Variants in LENG1 observed in about 807,000 individuals in gnomAD.
LENG1 encodes leukocyte receptor cluster (LRC) member 1.
A neutral mutation model predicts 28.8 loss-of-function variants in LENG1; 35 were observed. That is an observed-to-expected ratio of 1.22 (90% CI 0.93 to 1.61). The LOEUF is 1.61. LENG1 is among the 40% of genes most tolerant of loss of function. The pLI, the probability that LENG1 is intolerant of heterozygous loss-of-function variation, is 0.00. For missense variants in LENG1, 404 were observed against 348.9 expected, an observed-to-expected ratio of 1.16 and a Z score of -1.26; for synonymous variants, 170 against 140.6, an observed-to-expected ratio of 1.21 and a Z score of -1.48.
At chr19:54,158,624 A>G (rs1451909799) in intron 1 of LENG1, among the ~76,000 whole-genome samples, 163 bp from the exon 2 acceptor site, 1 of 152,224 alleles carries the variant, frequency 6.6e-6, no homozygotes, top group Non-Finnish European at 1.5e-5. Context: ...GGGTGAGGGT[A>G]GGCAGATGAG....
chr19:54,158,083 G>A (rs2075427672), intron 2 of LENG1, among the ~76,000 whole-genome samples, 199 bp downstream of exon 2: 1 of 152,198 alleles, frequency 6.6e-6, no homozygotes, highest in Non-Finnish European at 1.5e-5. Context: ...CAGCAGCTGG[G>A]GACCTCTAGC....
At chr19:54,155,985 G>A (rs772611757) in intron 3 of LENG1, 45 bp from the exon 4 acceptor site, 17 of 1,530,788 alleles carry the variant, frequency 1.1e-5, no homozygotes, top group East Asian at 7.1e-5. Flanking sequence ...GCCCCTAGGA[G>A]GCCATTCCCC....
rs1419740819 is a variant in LENG1, at chr19:54,155,706, G to A, written c.*15C>T. 2 of 1,598,320 alleles carry A rather than the reference G, an allele frequency of 1.3e-6. No homozygotes were observed. Among genetic ancestry groups the A allele is most frequent in the South Asian group, 1.1e-5 (1 of 89,888 alleles). ...ACGGCTGGCAGCAGCGGCCTCTCCT[G>A]TACCCCCTCAGGAGTCAGTGAGTAA... is the stretch of plus-strand genomic sequence containing the variant. On this transcript the variant is annotated 3_prime_UTR_variant, in exon 4 of 4. Transcript: ENST00000222224.
At chr19:54,156,659 G>C (rs1321268571) in intron 3 of LENG1, 104 bp downstream of exon 3, 2 of 1,231,986 alleles carry the variant, frequency 1.6e-6, no homozygotes, top group Admixed American at 4.8e-5. Context: ...AGCCCTTCAC[G>C]GAGTCCCTGG....
chr19:54,156,280 C>A (rs1423243166), intron 3 of LENG1, among the ~76,000 whole-genome samples: 1 of 152,200 alleles, frequency 6.6e-6, no homozygotes, highest in Non-Finnish European at 1.5e-5. Context: ...GTGCAGCATC[C>A]TGGAGACAGA....
intron 3 of LENG1, 79 bp downstream of exon 3, chr19:54,156,684 G>A: frequency 1.4e-6 from 2 of 1,440,630 alleles, no homozygotes; most frequent in Non-Finnish European, 1.9e-6. Flanking sequence ...CCTGACCAGA[G>A]ACGCTGCAGT....
Position 54,155,763 on chromosome 19 carries a change from C to T in LENG1, c.753G>A (p.Leu251=). ...GGTCCTGCTGGCGGGGGCGCCGGGC[C>T]AGCTGGGGGTTGAATTGGGAGTTGT... The part of the protein sequence containing the change: ...RRYNSQFNPQ[L]ARRPRQQDPH... Residue 251 remains leucine (L), a synonymous_variant, in exon 4 of 4, where the codon CTG becomes CTA. Transcript: ENST00000222224. The T allele has an allele frequency of 1.2e-6, 2 of 1,610,420 alleles. No homozygotes were observed. The highest frequency in any genetic ancestry group is 1.7e-6 in the Non-Finnish European group (2 of 1,179,392).
intron 1 of LENG1, among the ~76,000 whole-genome samples, 162 bp from the exon 2 acceptor site, chr19:54,158,623 T>C (rs1394139400): frequency 1.3e-5 from 2 of 152,098 alleles, no homozygotes; most frequent in African/African-American, 4.8e-5. Flanking sequence ...GGGGTGAGGG[T>C]AGGCAGATGA....
At position 54,158,435 on chromosome 19, in the gene LENG1, T is replaced by C; in HGVS notation, c.159A>G (p.Lys53=). ...QEARTEFLRK[K]ARHQNSLPEL... is the part of the protein sequence containing the mutation. The stretch of plus-strand genomic sequence containing the variant: ...CAGGCAGTGAGTTCTGATGTCTGGC[T>C]TTCTTCCGTAGGAATTCTGTACGGG... Residue 53 remains lysine (K), a synonymous_variant, in exon 2 of 4, where the codon AAA becomes AAG. Transcript: ENST00000222224. The C allele has an allele frequency of 6.2e-7, 1 of 1,614,180 alleles. No homozygotes were observed. Among genetic ancestry groups the C allele is most frequent in the Non-Finnish European group, 8.5e-7 (1 of 1,180,008 alleles).
At chr19:54,157,284 A>T (rs1246563934) in intron 2 of LENG1, among the ~76,000 whole-genome samples, 3 of 152,190 alleles carry the variant, frequency 2.0e-5, no homozygotes, top group African/African-American at 7.2e-5. Flanking sequence ...AGAGACTTGA[A>T]GAGAAGCCTG....
At chr19:54,159,535 A>C in intron 1 of LENG1, 29 bp downstream of exon 1, 2 of 1,512,598 alleles carry the variant, frequency 1.3e-6, no homozygotes, top group Non-Finnish European at 8.8e-7. Flanking sequence ...TGGGCCCCGG[A>C]GCGCCGCCCT....
At chr19:54,156,636 TCTC>T (rs1287777560) in intron 3 of LENG1, 124 bp downstream of exon 3, 10 of 1,001,000 alleles carry the variant, frequency 1.0e-5, no homozygotes, top group African/African-American at 6.5e-5. Flanking sequence ...GAGAACCACT[TCTC>T]CACCTAGCCA....
Position 54,155,398 on chromosome 19 carries a change from C to T in LENG1, c.*323G>A, listed in dbSNP as rs1439653476. On this transcript the variant is annotated 3_prime_UTR_variant, in exon 4 of 4. Coordinates refer to ENST00000222224, the MANE Select transcript of LENG1 (RefSeq NM_024316.3). ...AGTACCGCTACCTGGAGGACCGGGA[C>T]CTCCAGTGACACCGGCCCCTCCCTC... 23 of 1,602,944 alleles carry T rather than the reference C, an allele frequency of 1.4e-5. No individual in the cohort carries two copies. In the East Asian group the frequency reaches 4.5e-4, roughly 31 times the overall value.
chr19:54,155,538 G>T lies in LENG1; in HGVS notation c.*183C>A. The T allele has an allele frequency of 1.1e-6, 1 of 911,262 alleles. No homozygotes were observed. The highest frequency in any genetic ancestry group is 1.7e-5 in the South Asian group (1 of 58,368). 56.4% of individuals were successfully genotyped at this position (911,262 alleles called of 1,614,324 possible). On this transcript the variant is annotated 3_prime_UTR_variant, in exon 4 of 4. Transcript: ENST00000222224. The stretch of plus-strand genomic sequence containing the variant: ...ATCCCCCTCTCCCAGGAAGCAGGGA[G>T]GGGGCCGGGAGGTTTTCCTCTCAGC...
intron 3 of LENG1, 67 bp from the exon 4 acceptor site, chr19:54,156,007 A>G: frequency 7.1e-7 from 1 of 1,409,642 alleles, no homozygotes; most frequent in East Asian, 2.5e-5. Flanking sequence ...AACCTCTCCC[A>G]TAGAGGGAGC....
chr19:54,158,799 C>A (rs1479457196), intron 1 of LENG1, among the ~76,000 whole-genome samples: 1 of 152,204 alleles, frequency 6.6e-6, no homozygotes, highest in Non-Finnish European at 1.5e-5. Context: ...TGAATTCTAG[C>A]CATGGCTCCA....
At chr19:54,156,152 G>C (rs746059432) in intron 3 of LENG1, among the ~76,000 whole-genome samples, 6 of 152,316 alleles carry the variant, frequency 3.9e-5, no homozygotes, top group Non-Finnish European at 7.4e-5. Flanking sequence ...GTCCTCCCCA[G>C]TCTTTAAAAT....
rs771729351 is a variant in LENG1 at position 54,159,615 on chromosome 19, G to A, written c.81C>T (p.Ala27=). The change falls in exon 1 of 4, where the codon GCC becomes GCT. Residue 27 remains alanine (A), a synonymous_variant. Transcript: ENST00000222224. Reference sequence around the variant, plus strand: ...GCTCACGCTCCTTCTCCTCCTCCCGGGCCTGGGCCTCGTCACGCCGCACGC... The same window carrying A: ...GCTCACGCTCCTTCTCCTCCTCCCGAGCCTGGGCCTCGTCACGCCGCACGC... ...VARVRRDEAQ[A]REEEKERERR... is the part of the protein sequence containing the mutation. The A allele has an allele frequency of 1.2e-5, 19 of 1,610,104 alleles. No homozygotes were observed. Among genetic ancestry groups the A allele is most frequent in the Admixed American group, 3.4e-5 (2 of 59,510 alleles).
At chr19:54,157,076 A>G in intron 2 of LENG1, 51 bp from the exon 3 acceptor site, 2 of 1,437,056 alleles carry the variant, frequency 1.4e-6, no homozygotes, top group Non-Finnish European at 1.9e-6. Context: ...TCAAGGTGTC[A>G]GGTGTGTCTC....
Sources: allele counts gnomAD v4.1 joint callset (sites outside exome capture counted in the v4.1 genomes callset), GRCh38; gene constraint gnomAD v4.1.1; transcripts MANE v1.5; gene names NCBI Gene and HGNC (gene_info 2026-07-23, HGNC 2026-07-21).